Variants in IMMP2L observed in about 807,000 individuals in gnomAD.
IMMP2L encodes mitochondrial inner membrane protease subunit 2.
A neutral mutation model predicts 19.3 loss-of-function variants in IMMP2L; 18 were observed. That is an observed-to-expected ratio of 0.93 (90% CI 0.64 to 1.38). The LOEUF is 1.38. Among genes scored for constraint, IMMP2L ranks in the 40% most tolerant of loss-of-function variants. The pLI, the probability that IMMP2L is intolerant of heterozygous loss-of-function variation, is 0.00. For synonymous variants in IMMP2L, 76 were observed against 73.0 expected (o/e 1.04, Z -0.21); for missense variants, 233 against 218.2 (o/e 1.07, Z -0.43).
chr7:110,688,713 T>C lies in IMMP2L; in HGVS notation c.409-24992A>G, dbSNP rs561098095. On this transcript the variant is annotated intron_variant, in intron 5 of 5. Coordinates refer to ENST00000405709, the MANE Select transcript of IMMP2L (RefSeq NM_032549.4). Reference sequence around the variant, plus strand: ...TAGCCATGAAAAATGATGATGTAGCTATACTGACAATAAAGATATATATAG... The same window carrying C: ...TAGCCATGAAAAATGATGATGTAGCCATACTGACAATAAAGATATATATAG... 3.3e-5 allele frequency among the ~76,000 whole-genome samples: 5 copies of C among 152,198 alleles called. No homozygotes were observed. The South Asian group carries it at 1.0e-3, about 32-fold the overall frequency.
intron 3 of IMMP2L, among the ~76,000 whole-genome samples, chr7:111,470,044 C>T (rs957137288): frequency 6.6e-6 from 1 of 151,978 alleles, no homozygotes; most frequent in Admixed American, 6.5e-5. Context: ...AATAAACAAC[C>T]CCATCAAAAA....
chr7:110,967,799 T>C (rs1819707485), intron 3 of IMMP2L, among the ~76,000 whole-genome samples: 2 of 152,074 alleles, frequency 1.3e-5, no homozygotes, highest in Non-Finnish European at 2.9e-5. Context: ...AAAATATATG[T>C]TTTTCTATTC....
intron 3 of IMMP2L, among the ~76,000 whole-genome samples, chr7:111,315,990 T>A (rs1276564207): frequency 2.0e-5 from 3 of 152,188 alleles, no homozygotes; most frequent in East Asian, 1.9e-4. Context: ...TACACAAACA[T>A]AGATGGTATG....
Position 111,436,522 on chromosome 7 carries a change from TAC to T in IMMP2L, c.239+50714_239+50715del, listed in dbSNP as rs563500068. Reference sequence around the variant, plus strand: ...AGTCTTTTTTTCTTACACACACACATACACACACACACACACACCCCACACAT... The same window carrying T: ...AGTCTTTTTTTCTTACACACACACATACACACACACACACACCCCACACAT... On this transcript the variant is annotated intron_variant, in intron 3 of 5. Coordinates refer to ENST00000405709, the MANE Select transcript of IMMP2L (RefSeq NM_032549.4). Among the ~76,000 whole-genome samples, 52 of 149,018 alleles carry T rather than the reference TAC, an allele frequency of 3.5e-4. 2 individuals carry two copies. The highest frequency in any genetic ancestry group is 9.4e-4 in the African/African-American group (38 of 40,536).
At chr7:111,315,856 G>C (rs1383582850) in intron 3 of IMMP2L, among the ~76,000 whole-genome samples, 3 of 151,980 alleles carry the variant, frequency 2.0e-5, no homozygotes, top group South Asian at 4.1e-4. Flanking sequence ...TCATGTAAGA[G>C]ATAAGGCTTA....
chr7:111,490,285 C>CT (rs768277536), intron 2 of IMMP2L, among the ~76,000 whole-genome samples: 192 of 138,800 alleles, frequency 1.4e-3, no homozygotes, highest in Admixed American at 5.7e-3. Context: ...TTTTTTTTTC[C>CT]TTTTTTTTTT....
At chr7:111,041,858 A>C (rs957820147) in intron 3 of IMMP2L, among the ~76,000 whole-genome samples, 3 of 152,216 alleles carry the variant, frequency 2.0e-5, no homozygotes, top group East Asian at 3.8e-4. Flanking sequence ...TCAAGAGCAT[A>C]GGCTCTGAAG....
At chr7:111,060,796 A>C (rs2110320) in intron 3 of IMMP2L, among the ~76,000 whole-genome samples, 116,861 of 152,134 alleles carry the variant, frequency 0.77, 47,860 homozygotes, top group Non-Finnish European at 0.9. Context: ...TGCTTGGGAA[A>C]ATGGATACTG....
At chr7:111,279,161 G>A (rs1819426826) in intron 3 of IMMP2L, among the ~76,000 whole-genome samples, 1 of 152,124 alleles carries the variant, frequency 6.6e-6, no homozygotes, top group Non-Finnish European at 1.5e-5. Context: ...TTTTATGGAA[G>A]TGATAAGGTT....
At chr7:111,394,343 C>T (rs182736625) in intron 3 of IMMP2L, among the ~76,000 whole-genome samples, 1 of 152,078 alleles carries the variant, frequency 6.6e-6, no homozygotes, top group African/African-American at 2.4e-5. Flanking sequence ...TTCATTGCTG[C>T]CATCATTGAT....
intron 1 of IMMP2L, among the ~76,000 whole-genome samples, chr7:111,529,246 G>A (rs922309836): frequency 2.0e-5 from 3 of 152,056 alleles, no homozygotes; most frequent in African/African-American, 7.2e-5. Context: ...AACCTGGCTC[G>A]GCAAACAGAG....
intron 5 of IMMP2L, among the ~76,000 whole-genome samples, chr7:110,767,540 A>G (rs1798749170): frequency 6.6e-6 from 1 of 152,136 alleles, no homozygotes; most frequent in African/African-American, 2.4e-5. Flanking sequence ...TCTCCTGCAC[A>G]CATCTCTCTC....
chr7:110,996,254 A>C (rs1322442772), intron 3 of IMMP2L, among the ~76,000 whole-genome samples: 1 of 152,158 alleles, frequency 6.6e-6, no homozygotes, highest in Non-Finnish European at 1.5e-5. Flanking sequence ...AGATATGAAG[A>C]GTAAGAAGGC....
intron 4 of IMMP2L, among the ~76,000 whole-genome samples, chr7:110,930,847 C>G (rs771441536): frequency 1.6e-4 from 25 of 152,096 alleles, no homozygotes; most frequent in Admixed American, 4.6e-4. Flanking sequence ...CAATTATACC[C>G]TAAGTTCATG....
intron 3 of IMMP2L, among the ~76,000 whole-genome samples, chr7:111,325,407 AATAAAT>A (rs1257480794): frequency 7.3e-5 from 11 of 151,650 alleles, no homozygotes; most frequent in African/African-American, 2.2e-4. Context: ...AAGCGCGCAA[AATAAAT>A]ATAATGTTTT....
At chr7:110,669,300 G>A (rs994424407) in intron 5 of IMMP2L, among the ~76,000 whole-genome samples, 2 of 152,204 alleles carry the variant, frequency 1.3e-5, no homozygotes, top group African/African-American at 4.8e-5. Context: ...TGCAGGTGAG[G>A]TCTGAAGACG....
chr7:110,855,231 A>C (rs1324389414), intron 5 of IMMP2L, among the ~76,000 whole-genome samples: 1 of 152,022 alleles, frequency 6.6e-6, no homozygotes, highest in Non-Finnish European at 1.5e-5. Flanking sequence ...AGAAAAAAAC[A>C]ATTAATGGAT....
chr7:111,535,652 T>C (rs1847820888), intron 1 of IMMP2L, among the ~76,000 whole-genome samples: 1 of 152,068 alleles, frequency 6.6e-6, no homozygotes, highest in African/African-American at 2.4e-5. Flanking sequence ...TCAAATACTA[T>C]AGGCGGTATT....
chr7:111,551,610 A>T (rs1470619890), intron 1 of IMMP2L, among the ~76,000 whole-genome samples: 1 of 151,752 alleles, frequency 6.6e-6, no homozygotes, highest in African/African-American at 2.4e-5. Flanking sequence ...TGAGTCATTT[A>T]TGAGAGGCTA....
Sources: allele counts gnomAD v4.1 joint callset (sites outside exome capture counted in the v4.1 genomes callset), GRCh38; gene constraint gnomAD v4.1.1; transcripts MANE v1.5; gene names NCBI Gene and HGNC (gene_info 2026-07-23, HGNC 2026-07-21).